F7: variants seen among roughly 807,000 people sequenced by gnomAD.
F7 encodes coagulation factor VII.
Under a neutral mutation model 47.5 loss-of-function variants are expected in F7, and 38 were observed. The ratio of observed to expected loss-of-function variants is 0.80; its 90% CI spans 0.62 to 1.05. The LOEUF is 1.05. F7 is among the 50% of genes least tolerant of loss of function. The pLI is 0.00. For missense variants in F7, 575 were observed against 605.4 expected (o/e 0.95, Z 0.53); for synonymous variants, 244 against 258.5 (o/e 0.94, Z 0.54).
chr13:113,118,893 C>T lies in F7; in HGVS notation c.1220C>T (p.Ala407Val). The change falls in exon 8 of 8, where the codon GCA becomes GTA. Residue 407 changes from alanine to valine, a missense_variant. Physicochemically the swap from Ala to Val is moderately conservative, Grantham distance 64 (BLOSUM62 0). Transcript: ENST00000346342. ...ATCGTCAGCTGGGGCCAGGGCTGCG[C>T]AACCGTGGGCCACTTTGGGGTGTAC... ...TGIVSWGQGCATVGHFGVYTR... is the reference protein window; with the variant it reads ...TGIVSWGQGCVTVGHFGVYTR... 1 of 1,612,532 alleles carries T rather than the reference C, an allele frequency of 6.2e-7. No individual in the cohort carries two copies. The highest frequency in any genetic ancestry group is 8.5e-7 in the Non-Finnish European group (1 of 1,179,814).
Position 113,118,744 on chromosome 13 carries a change from C to T in F7, c.1071C>T (p.Asp357=). Residue 357 remains aspartate, a synonymous_variant, in exon 8 of 8, where the codon GAC becomes GAT. Transcript: ENST00000346342. ...DCLQQSRKVG[D]SPNITEYMFC... is the part of the protein sequence containing the mutation. Reference sequence around the variant, plus strand: ...TGCAGCAGTCACGGAAGGTGGGAGACTCCCCAAATATCACGGAGTACATGT... The same window carrying T: ...TGCAGCAGTCACGGAAGGTGGGAGATTCCCCAAATATCACGGAGTACATGT... The T allele has an allele frequency of 1.2e-5, 19 of 1,613,168 alleles. No individual in the cohort carries two copies. The highest frequency in any genetic ancestry group is 2.2e-5 in the East Asian group (1 of 44,864).
At position 113,113,726 on chromosome 13, in the gene F7, C is replaced by G. The variant is rs779496924; in HGVS notation, c.226-26C>G. 1.6e-5 allele frequency: 26 copies of G among 1,611,352 alleles called. No individual in the cohort carries two copies. The Admixed American group carries it at 3.8e-4, about 24-fold the overall frequency. ...GGTGCTCTGGTGAAGGTGCATCTCA[C>G]GAGGCTTGCTCTCTTGTTCCTTCAG... On this transcript the variant is annotated intron_variant, in intron 2 of 7. Coordinates refer to ENST00000346342, the MANE Select transcript of F7 (RefSeq NM_019616.4). This position sits in a 1 kb window ranked among gnomAD's most constrained non-coding sequence, Gnocchi z 4.1.
chr13:113,110,990 G>A (rs1002191796), intron 2 of F7, 140 bp downstream of exon 2: 2 of 1,022,968 alleles, frequency 2.0e-6, no homozygotes, highest in South Asian at 1.9e-5. Context: ...CTTTCTGCGG[G>A]GGTCGCTTTC....
In F7 at chr13:113,118,689, A is replaced by C; in HGVS notation, c.1016A>C (p.Asn339Thr). 6.2e-7 allele frequency: 1 copy of C among 1,612,778 alleles called. No individual in the cohort carries two copies. Among genetic ancestry groups the C allele is most frequent in the African/African-American group, 1.3e-5 (1 of 74,988 alleles). ...GATALELMVLNVPRLMTQDCL... is the reference protein window; with the variant it reads ...GATALELMVLTVPRLMTQDCL... ...ACGGCCCTGGAGCTCATGGTCCTCA[A>C]CGTGCCCCGGCTGATGACCCAGGAC... Residue 339 changes from asparagine (N) to threonine (T), a missense_variant, in exon 8 of 8, where the codon AAC becomes ACC. Asn to Thr is a moderately conservative substitution (Grantham distance 65). Transcript: ENST00000346342.
At chr13:113,117,025 AC>A (rs1270386665) in intron 6 of F7, 150 bp downstream of exon 6, 5 of 723,910 alleles carry the variant, frequency 6.9e-6, no homozygotes, top group Non-Finnish European at 1.3e-5. Context: ...AGCTCGCGGC[AC>A]CCCCATGCTT....
intron 1 of F7, among the ~76,000 whole-genome samples, chr13:113,107,275 G>GGTGT (rs1566904838): frequency 4.9e-4 from 32 of 65,126 alleles, no homozygotes; most frequent in African/African-American, 1.4e-3. Context: ...TGTCCCGGGG[G>GGTGT]CGTGGGTGTC....
chr13:113,105,938 G>A, intron 1 of F7, 33 bp downstream of exon 1: 2 of 1,556,504 alleles, frequency 1.3e-6, no homozygotes, highest in Non-Finnish European at 1.7e-6. Context: ...CATAAACTTG[G>A]TGGAAGGGCA....
chr13:113,119,979 GCTTCACAATAAACGGCT>G lies in F7; in HGVS notation c.*972_*988del, dbSNP rs1408137550. On this transcript the variant is annotated 3_prime_UTR_variant, in exon 8 of 8. Transcript: ENST00000346342. ...CAGACTATTCCCCACCTGCTTCCCAGCTTCACAATAAACGGCTGCGTCTCCTCCGCACACCTGTGGTG... is the reference window on the plus strand; with the variant it reads ...CAGACTATTCCCCACCTGCTTCCCAGGCGTCTCCTCCGCACACCTGTGGTG... The G allele has an allele frequency of 6.6e-6, 1 of 152,226 alleles. No homozygotes were observed. Among genetic ancestry groups the G allele is most frequent in the East Asian group, 1.9e-4 (1 of 5,188 alleles). The allele number at this position is 152,226 out of a possible 1,614,324, so 9.4% of individuals were successfully genotyped here.
chr13:113,115,272 C>T (rs2036174012), intron 4 of F7, among the ~76,000 whole-genome samples: 3 of 152,220 alleles, frequency 2.0e-5, no homozygotes, highest in South Asian at 2.1e-4. Flanking sequence ...CTGGTCCTCT[C>T]GTCAGTTGGG....
intron 4 of F7, 98 bp downstream of exon 4, chr13:113,114,058 G>C: frequency 1.1e-5 from 14 of 1,321,826 alleles, no homozygotes; most frequent in Admixed American, 1.9e-5. Flanking sequence ...ACCTGGTGGG[G>C]TGTGTAGGCC....
intron 1 of F7, chr13:113,107,015 G>A: frequency 7.7e-7 from 1 of 1,307,172 alleles, no homozygotes; most frequent in Non-Finnish European, 1.1e-6. Flanking sequence ...GGCTACTGCA[G>A]TGCCCCCCAA....
intron 1 of F7, 77 bp downstream of exon 1, chr13:113,105,982 A>C: frequency 5.9e-6 from 8 of 1,357,978 alleles, no homozygotes; most frequent in Non-Finnish European, 8.1e-6. Context: ...CGGGCTTCCC[A>C]AACCCCGCCC....
Position 113,118,540 on chromosome 13 carries a change from C to T in F7, c.867C>T (p.Pro289=), listed in dbSNP as rs142547010. The change falls in exon 8 of 8, where the codon CCC becomes CCT. Residue 289 remains proline (P), a synonymous_variant. Transcript: ENST00000346342. ...HDIALLRLHQ[P]VVLTDHVVPL... ...TCGCGCTGCTCCGCCTGCACCAGCC[C>T]GTGGTCCTCACTGACCATGTGGTGC... is the stretch of plus-strand genomic sequence containing the variant. 88 of 1,612,296 alleles carry T rather than the reference C, an allele frequency of 5.5e-5. No individual in the cohort carries two copies. The Admixed American group carries it at 6.2e-4, about 11-fold the overall frequency.
At position 113,118,438 on chromosome 13, in the gene F7, C is replaced by G. The variant is rs745921084; in HGVS notation, c.765C>G (p.Asp255Glu). ...GCGAGCACGACCTCAGCGAGCACGA[C>G]GGGGATGAGCAGAGCCGGCGGGTGG... ...VLGEHDLSEH[D>E]GDEQSRRVAQ... The change falls in exon 8 of 8, where the codon GAC becomes GAG. Residue 255 changes from aspartate (D) to glutamate (E), a missense_variant. Transcript: ENST00000346342. 6 of 1,602,384 alleles carry G rather than the reference C, an allele frequency of 3.7e-6. No individual in the cohort carries two copies. The African/African-American group carries it at 8.0e-5, about 21-fold the overall frequency.
chr13:113,107,018 C>G (rs1046689968), intron 1 of F7: 2 of 1,273,218 alleles, frequency 1.6e-6, no homozygotes, highest in South Asian at 1.3e-5. Context: ...TACTGCAGTG[C>G]CCCCCAAGGA....
chr13:113,113,938 C>T lies in F7; in HGVS notation c.342C>T (p.Phe114=), dbSNP rs1219677196. Residue 114 remains phenylalanine (F), a synonymous_variant, in exon 4 of 8, where the codon TTC becomes TTT. Coordinates refer to ENST00000346342, the MANE Select transcript of F7 (RefSeq NM_019616.4). The surrounding 1 kb of genome is among the most constrained non-coding windows in gnomAD (Gnocchi z 4.1). ...ATATCTGCTTCTGCCTCCCTGCCTT[C>T]GAGGGCCGGAACTGTGAGACGCGTA... ...QSYICFCLPA[F]EGRNCETHKD... 5.0e-6 allele frequency: 8 copies of T among 1,613,952 alleles called. No homozygotes were observed. The highest frequency in any genetic ancestry group is 1.3e-5 in the African/African-American group (1 of 74,930).
Position 113,110,680 on chromosome 13 carries a change from C to A in F7, c.65-10C>A. 1 of 1,548,064 alleles carries A rather than the reference C, an allele frequency of 6.5e-7. No individual in the cohort carries two copies. The highest frequency in any genetic ancestry group is 8.7e-7 in the Non-Finnish European group (1 of 1,146,404). ...CGCGGTGGGCGCTTCACGGAACTCG[C>A]ATTTCCCAGTCTTCGTAACCCAGGA... is the stretch of plus-strand genomic sequence containing the variant. On this transcript the variant is annotated splice_polypyrimidine_tract_variant and intron_variant, in intron 1 of 7. Transcript: ENST00000346342.
At chr13:113,118,193 C>G (rs865794672) in intron 7 of F7, among the ~76,000 whole-genome samples, 7 of 152,204 alleles carry the variant, frequency 4.6e-5, no homozygotes, top group African/African-American at 1.7e-4. Context: ...CACCTCAACA[C>G]CCAGACCCCA....
Position 113,116,803 on chromosome 13 carries a change from A to C in F7, c.543A>C (p.Lys181Asn). 1.2e-6 allele frequency: 2 copies of C among 1,613,914 alleles called. No individual in the cohort carries two copies. The change falls in exon 6 of 8, where the codon AAA becomes AAC. Residue 181 changes from lysine (K) to asparagine (N), a missense_variant. Physicochemically the swap from Lys to Asn is moderately conservative, Grantham distance 94. Coordinates refer to ENST00000346342, the MANE Select transcript of F7 (RefSeq NM_019616.4). ...GTGGAAAAATACCTATTCTAGAAAA[A>C]AGAAATGCCAGCAAACCCCAAGGCC... ...YPCGKIPILE[K>N]RNASKPQGRI...
Sources: allele counts gnomAD v4.1 joint callset (sites outside exome capture counted in the v4.1 genomes callset), GRCh38; gene constraint gnomAD v4.1.1; non-coding constraint Gnocchi (gnomAD v3.1); transcripts MANE v1.5; gene names NCBI Gene and HGNC (gene_info 2026-07-23, HGNC 2026-07-21).